The following VCL variants were observed in gnomAD, a reference collection of about 807,000 sequenced individuals.
VCL encodes the protein epididymis luminal protein 114.
A neutral mutation model predicts 125.7 loss-of-function variants in VCL; 47 were observed. The ratio of observed to expected loss-of-function variants is 0.37; its 90% confidence interval spans 0.30 to 0.48. VCL has a LOEUF of 0.48. VCL is among the 20% of genes least tolerant of loss of function. The pLI is 0.99. For synonymous variants in VCL, 458 were observed against 514.6 expected (o/e 0.89, Z 1.49); for missense variants, 1,069 against 1,455.5 (o/e 0.73, Z 4.32).
intron 2 of VCL, among the ~76,000 whole-genome samples, chr10:74,058,812 C>A (rs1841429177): frequency 6.6e-6 from 1 of 152,092 alleles, no homozygotes; most frequent in Non-Finnish European, 1.5e-5. Flanking sequence ...GAGTGAGCTA[C>A]CTGCACTTTG....
Position 74,071,749 on chromosome 10 carries a change from GT to G in VCL, c.499+670del, listed in dbSNP as rs1841667227. On this transcript the variant is annotated intron_variant, in intron 4 of 21. Transcript: ENST00000211998. This position sits in a 1 kb window ranked among gnomAD's most constrained non-coding sequence, Gnocchi z 4.1. ...TGTTATCACTTTATAAAATTCATTTGTTTTATGTGAAATGTTGATTTTTAAT... is the reference window on the plus strand; with the variant it reads ...TGTTATCACTTTATAAAATTCATTTGTTTATGTGAAATGTTGATTTTTAAT... 6.6e-6 allele frequency among the ~76,000 whole-genome samples: 1 copy of G among 152,080 alleles called. No homozygotes were observed. Among genetic ancestry groups the G allele is most frequent in the Non-Finnish European group, 1.5e-5 (1 of 68,008 alleles).
intron 14 of VCL, 52 bp from the exon 15 acceptor site, chr10:74,103,768 T>C: frequency 6.5e-7 from 1 of 1,543,706 alleles, no homozygotes; most frequent in Non-Finnish European, 9.0e-7. Context: ...TGAAGGTTTG[T>C]ATCTGGAGAG....
At chr10:74,044,902 G>A (rs1267002450) in intron 2 of VCL, among the ~76,000 whole-genome samples, 1 of 152,176 alleles carries the variant, frequency 6.6e-6, no homozygotes, top group Non-Finnish European at 1.5e-5. Context: ...AATGAGGCCA[G>A]GTGCAGTGGC....
intron 2 of VCL, among the ~76,000 whole-genome samples, chr10:74,068,514 A>T (rs994683015): frequency 6.6e-6 from 1 of 152,050 alleles, no homozygotes; most frequent in African/African-American, 2.4e-5. Context: ...TGGTAGAGAT[A>T]GAGTTTCACC....
Position 74,032,669 on chromosome 10 carries a change from C to T in VCL, c.169-10414C>T, listed in dbSNP as rs560340675. 1.2e-4 allele frequency among the ~76,000 whole-genome samples: 18 copies of T among 148,978 alleles called. No homozygotes were observed. In the East Asian group the frequency reaches 2.2e-3, roughly 18 times the overall value. ...GAGCCCAGATTGCACCACTGTACTC[C>T]GGCCTGGGTAACAAAGTAAGTCTCG... On this transcript the variant is annotated intron_variant, in intron 1 of 21. Transcript: ENST00000211998.
At chr10:74,049,448 A>T (rs374738341) in intron 2 of VCL, among the ~76,000 whole-genome samples, 1 of 152,224 alleles carries the variant, frequency 6.6e-6, no homozygotes, top group Non-Finnish European at 1.5e-5. Context: ...TTAAAGAGCT[A>T]TAATACAGAC....
At chr10:73,998,628 G>C (rs1280383999) in intron 1 of VCL, among the ~76,000 whole-genome samples, 1 of 152,244 alleles carries the variant, frequency 6.6e-6, no homozygotes, top group African/African-American at 2.4e-5. Flanking sequence ...GGCTTGTCGT[G>C]AAGATATGGC....
At chr10:74,006,032 C>T (rs11000842) in intron 1 of VCL, among the ~76,000 whole-genome samples, 4,044 of 152,044 alleles carry the variant, frequency 0.027, 174 homozygotes, top group African/African-American at 0.092. Context: ...ATTACAGGCA[C>T]CCACCATAAT....
At chr10:74,114,098 C>T in intron 19 of VCL, 86 bp from the exon 20 acceptor site, 2 of 1,531,720 alleles carry the variant, frequency 1.3e-6, no homozygotes, top group South Asian at 2.3e-5. Context: ...GTGGCAAGCT[C>T]CCTCCTCTTC....
At chr10:74,117,118 G>A (rs575177394) in intron 21 of VCL, among the ~76,000 whole-genome samples, 2 of 152,232 alleles carry the variant, frequency 1.3e-5, no homozygotes. Context: ...GTTTAAAGTG[G>A]TTGGTTGCTT....
At chr10:74,094,171 G>C (rs894904538) in intron 10 of VCL, 100 bp from the exon 11 acceptor site, 9 of 1,434,922 alleles carry the variant, frequency 6.3e-6, no homozygotes, top group Non-Finnish European at 8.6e-6. Context: ...TAGTAATCAG[G>C]AGCAATTTGT....
intron 14 of VCL, 139 bp from the exon 15 acceptor site, chr10:74,103,681 T>C (rs1840091660): frequency 1.3e-6 from 1 of 774,114 alleles, no homozygotes; most frequent in Admixed American, 2.0e-5. Context: ...CCAAACCTCA[T>C]GTATTCAGCC....
chr10:74,117,090 G>A (rs1591722175), intron 21 of VCL, among the ~76,000 whole-genome samples: 1 of 152,128 alleles, frequency 6.6e-6, no homozygotes, highest in Non-Finnish European at 1.5e-5. Flanking sequence ...AAAGATTAAC[G>A]TATTTAGATT....
intron 2 of VCL, among the ~76,000 whole-genome samples, chr10:74,065,990 C>G (rs1249942432): frequency 6.7e-6 from 1 of 150,190 alleles, no homozygotes; most frequent in African/African-American, 2.4e-5. Flanking sequence ...ATAACAGAAA[C>G]AAGAACCTAG....
intron 1 of VCL, chr10:74,004,997 G>T (rs1039085258): frequency 6.6e-6 from 1 of 151,982 alleles, no homozygotes. Context: ...GAGCCACCAC[G>T]CCTGATCCAC....
chr10:74,116,672 G>A (rs1840314409), intron 21 of VCL, among the ~76,000 whole-genome samples: 1 of 141,732 alleles, frequency 7.1e-6, no homozygotes, highest in Admixed American at 7.4e-5. Flanking sequence ...GTTAACAAGA[G>A]TGAAACTCCG....
rs960105711 is a variant in VCL at position 74,107,338 on chromosome 10, A to G, written c.2543A>G (p.Asp848Gly). Residue 848 changes from aspartate (D) to glycine (G), a missense_variant, in exon 17 of 22, where the codon GAC becomes GGC. Physicochemically the swap from Asp to Gly is moderately conservative, Grantham distance 94. Coordinates refer to ENST00000211998, the MANE Select transcript of VCL (RefSeq NM_014000.3). The stretch of plus-strand genomic sequence containing the variant: ...CCTGACTTCCCGCCGCCTCCACCAG[A>G]CCTTGAACAACTCCGAGTAAGTAAA... ...QEPDFPPPPP[D>G]LEQLRLTDEL... The G allele has an allele frequency of 3.7e-6, 6 of 1,614,070 alleles. No individual in the cohort carries two copies. Among genetic ancestry groups the G allele is most frequent in the Non-Finnish European group, 5.1e-6 (6 of 1,180,036 alleles).
At chr10:74,056,627 T>A (rs1841396557) in intron 2 of VCL, among the ~76,000 whole-genome samples, 1 of 152,180 alleles carries the variant, frequency 6.6e-6, no homozygotes, top group Admixed American at 6.5e-5. Flanking sequence ...GCTGCATACT[T>A]GCTACTTGAA....
At chr10:74,086,762 C>T (rs1839782015) in intron 8 of VCL, among the ~76,000 whole-genome samples, 1 of 152,214 alleles carries the variant, frequency 6.6e-6, no homozygotes, top group Non-Finnish European at 1.5e-5. Flanking sequence ...GTGGAGCCTG[C>T]AATATCCTTT....
Sources: gnomAD v4.1 joint callset for allele counts (sites outside exome capture counted in the v4.1 genomes callset) on GRCh38, gnomAD v4.1.1 for gene constraint, Gnocchi (gnomAD v3.1) non-coding constraint, MANE v1.5 for transcripts, NCBI Gene and HGNC (gene_info 2026-07-23, HGNC 2026-07-21) for gene names.